SLC20A2: variants seen among roughly 807,000 people sequenced by gnomAD.
SLC20A2 encodes sodium-dependent phosphate transporter 2.
A neutral mutation model predicts 61.0 loss-of-function variants in SLC20A2; 30 were observed. That is an observed-to-expected ratio of 0.49 (90% CI 0.37 to 0.67). SLC20A2 has a LOEUF of 0.67. SLC20A2 is among the 30% of genes least tolerant of loss of function. The pLI, the probability that SLC20A2 is intolerant of heterozygous loss-of-function variation, is 0.00. For missense variants in SLC20A2, 626 were observed against 866.4 expected (o/e 0.72, Z 3.48); for synonymous variants, 351 against 353.3 (o/e 0.99, Z 0.07).
intron 1 of SLC20A2, among the ~76,000 whole-genome samples, chr8:42,477,173 T>C (rs1044080929): frequency 1.4e-4 from 21 of 152,216 alleles, no homozygotes; most frequent in South Asian, 4.1e-4. Context: ...GGGATAGTGA[T>C]GGCGCATGCA....
At chr8:42,504,717 C>T (rs959071070), upstream of SLC20A2, among the ~76,000 whole-genome samples, 8 of 151,294 alleles carry the variant, frequency 5.3e-5, no homozygotes, top group East Asian at 1.9e-4. Context: ...TGGTGGCGCA[C>T]GCCTGTAGTC....
chr8:42,491,826 C>A (rs1346277560), intron 1 of SLC20A2, among the ~76,000 whole-genome samples: 1 of 152,158 alleles, frequency 6.6e-6, no homozygotes. Flanking sequence ...TGCCAAGTAA[C>A]CAAATTTTAA....
At chr8:42,438,063 C>CAAA (rs1391262305) in intron 7 of SLC20A2, among the ~76,000 whole-genome samples, 378 of 26,826 alleles carry the variant, frequency 0.014, 12 homozygotes, top group Non-Finnish European at 0.018. Flanking sequence ...AAAAAAAAAC[C>CAAA]AAAAAAAAAA....
At chr8:42,476,160 G>A (rs1335956005) in intron 1 of SLC20A2, among the ~76,000 whole-genome samples, 6 of 135,310 alleles carry the variant, frequency 4.4e-5, no homozygotes, top group Non-Finnish European at 9.2e-5. Flanking sequence ...GCAGTGGCGC[G>A]ATCTCGGCTC....
intron 10 of SLC20A2, among the ~76,000 whole-genome samples, chr8:42,426,161 A>G (rs1250816607): frequency 1.3e-5 from 2 of 152,238 alleles, no homozygotes; most frequent in African/African-American, 4.8e-5. Flanking sequence ...TATAGTATAT[A>G]TATCAATACA....
Position 42,433,566 on chromosome 8 carries a change from G to A in SLC20A2, c.1524-3317C>T, listed in dbSNP as rs1249508901. ...TCTTGATCTCCTGACCTCATGATCC[G>A]CCCGCCTCAGCCTCCCAAAGTGCTG... On this transcript the variant is annotated intron_variant, in intron 8 of 10. Coordinates refer to ENST00000520262, the MANE Select transcript of SLC20A2 (RefSeq NM_001257180.2). Among the ~76,000 whole-genome samples, 5 of 152,108 alleles carry A rather than the reference G, an allele frequency of 3.3e-5. No homozygotes were observed. In the East Asian group the frequency reaches 9.6e-4, roughly 29 times the overall value.
At chr8:42,519,369 G>T (rs191983586) in intron 1 of SLC20A2, among the ~76,000 whole-genome samples, 1 of 151,948 alleles carries the variant, frequency 6.6e-6, no homozygotes, top group Non-Finnish European at 1.5e-5. Context: ...GCTTGAACCC[G>T]GGAGGCAGAG....
chr8:42,450,939 A>C (rs1026385213), intron 5 of SLC20A2, among the ~76,000 whole-genome samples: 1 of 152,186 alleles, frequency 6.6e-6, no homozygotes, highest in Non-Finnish European at 1.5e-5. Context: ...TTCTCACCCC[A>C]GGGCTTCCCC....
chr8:42,535,119 A>G (rs2131450556), intron 1 of SLC20A2: 1 of 152,248 alleles, frequency 6.6e-6, no homozygotes, highest in African/African-American at 2.4e-5. Flanking sequence ...TTGGTTTTTG[A>G]CTATTCTTCC....
intron 1 of SLC20A2, among the ~76,000 whole-genome samples, chr8:42,487,050 A>C (rs2131297168): frequency 6.6e-6 from 1 of 150,948 alleles, no homozygotes; most frequent in South Asian, 2.1e-4. Flanking sequence ...TATTTTTTAG[A>C]AGCACGGTTT....
At chr8:42,519,202 T>C (rs151143791) in intron 1 of SLC20A2, among the ~76,000 whole-genome samples, 4,432 of 152,216 alleles carry the variant, frequency 0.029, 100 homozygotes, top group Non-Finnish European at 0.048. Flanking sequence ...TCCCAGCACT[T>C]TGGGAGGCCG....
intron 10 of SLC20A2, among the ~76,000 whole-genome samples, chr8:42,428,449 C>A (rs537562617): frequency 6.6e-6 from 1 of 152,356 alleles, no homozygotes; most frequent in East Asian, 1.9e-4. Flanking sequence ...GTATGCCCAG[C>A]GCACACAGGA....
intron 10 of SLC20A2, among the ~76,000 whole-genome samples, chr8:42,420,922 G>A (rs984500280): frequency 3.9e-5 from 6 of 152,092 alleles, no homozygotes; most frequent in African/African-American, 1.2e-4. Context: ...GACATTATAC[G>A]TCAGGTAAGG....
rs1185173644 is a variant in SLC20A2, at chr8:42,472,833, C to CA, written c.-264-180dup. Among the ~76,000 whole-genome samples, 7 of 152,216 alleles carry CA rather than the reference C, an allele frequency of 4.6e-5. No individual in the cohort carries two copies. The highest frequency in any genetic ancestry group is 1.9e-4 in the East Asian group (1 of 5,178). ...GGATAACCACCCCCAACCAAAAACA[C>CA]AAAAAAACCTGCTTTCTAGAATTGT... On this transcript the variant is annotated intron_variant, in intron 1 of 10. Transcript: ENST00000520262. The surrounding 1 kb of genome is among the most constrained non-coding windows in gnomAD (Gnocchi z 4.1).
intron 1 of SLC20A2, among the ~76,000 whole-genome samples, chr8:42,508,041 T>C (rs1810815567): frequency 6.6e-6 from 1 of 152,088 alleles, no homozygotes; most frequent in Non-Finnish European, 1.5e-5. Flanking sequence ...TACATGCCTG[T>C]AGTCCCAGCT....
intron 10 of SLC20A2, among the ~76,000 whole-genome samples, chr8:42,422,424 T>A (rs1213201720): frequency 1.3e-5 from 2 of 152,164 alleles, no homozygotes; most frequent in East Asian, 3.8e-4. Context: ...GTAAACAGAT[T>A]TCATTGTTTG....
chr8:42,488,902 G>A (rs949815730), intron 1 of SLC20A2, among the ~76,000 whole-genome samples: 7 of 138,518 alleles, frequency 5.1e-5, no homozygotes, highest in African/African-American at 8.0e-5. Flanking sequence ...AAATCAGGTC[G>A]TTTGCTTTTT....
At chr8:42,443,110 T>C (rs992210607) in intron 6 of SLC20A2, among the ~76,000 whole-genome samples, 6 of 150,078 alleles carry the variant, frequency 4.0e-5, no homozygotes, top group African/African-American at 1.5e-4. Context: ...ATTATATATG[T>C]TATAATTACT....
intron 1 of SLC20A2, chr8:42,484,831 C>T (rs1467081355): frequency 1.2e-5 from 4 of 332,310 alleles, no homozygotes; most frequent in African/African-American, 4.4e-5. Context: ...ACCCCGAGGG[C>T]ATCCAGCCAG....
Sources: gnomAD v4.1 joint callset for allele counts (sites outside exome capture counted in the v4.1 genomes callset) on GRCh38, gnomAD v4.1.1 for gene constraint, Gnocchi (gnomAD v3.1) non-coding constraint, MANE v1.5 for transcripts, NCBI Gene and HGNC (gene_info 2026-07-23, HGNC 2026-07-21) for gene names.